Variants in MAPK10 observed in about 807,000 individuals in gnomAD.
MAPK10 encodes the protein mitogen-activated protein kinase 10.
In MAPK10, 25 loss-of-function variants were observed where a neutral mutation model predicts 59.3. That is an observed-to-expected ratio of 0.42 (90% CI 0.31 to 0.59). MAPK10 has a LOEUF of 0.59. Among genes scored for constraint, MAPK10 ranks in the 20% least tolerant of loss-of-function variants. The pLI is 0.15. For missense variants in MAPK10, 351 were observed against 568.9 expected (o/e 0.62, Z 3.90); for synonymous variants, 190 against 200.5 (o/e 0.95, Z 0.44).
intron 1 of MAPK10, among the ~76,000 whole-genome samples, chr4:86,551,655 G>A (rs1759799870): frequency 6.6e-6 from 1 of 151,268 alleles, no homozygotes; most frequent in Non-Finnish European, 1.5e-5. Context: ...ACCCAGGCTG[G>A]AGTGCAGTGC....
At chr4:86,166,165 T>A (rs1185161157) in intron 3 of MAPK10, among the ~76,000 whole-genome samples, 1 of 152,154 alleles carries the variant, frequency 6.6e-6, no homozygotes. Flanking sequence ...AACAAATTAT[T>A]TCGTGTAAGA....
chr4:86,397,841 C>T (rs12500543), intron 1 of MAPK10, among the ~76,000 whole-genome samples: 72,284 of 139,010 alleles, frequency 0.52, 18,130 homozygotes, highest in Middle Eastern at 0.59. Context: ...CAGATCATTA[C>T]GTAAGCTCTG....
At chr4:86,245,228 T>G (rs1258869401) in intron 2 of MAPK10, among the ~76,000 whole-genome samples, 2 of 152,200 alleles carry the variant, frequency 1.3e-5, no homozygotes, top group African/African-American at 4.8e-5. Flanking sequence ...ATTCGAGTGC[T>G]TTGAAAACAT....
intron 2 of MAPK10, among the ~76,000 whole-genome samples, chr4:86,249,577 G>A (rs1192235747): frequency 1.3e-5 from 2 of 152,116 alleles, no homozygotes; most frequent in Non-Finnish European, 2.9e-5. Context: ...AATGTAAGAA[G>A]GCAGGAGAAA....
At chr4:86,499,051 A>G (rs1755103362) in intron 1 of MAPK10, among the ~76,000 whole-genome samples, 2 of 152,224 alleles carry the variant, frequency 1.3e-5, no homozygotes, top group African/African-American at 4.8e-5. Flanking sequence ...ATAGAGAATC[A>G]TAAGTTAATA....
chr4:86,541,358 T>G (rs1433491795), intron 1 of MAPK10, among the ~76,000 whole-genome samples: 1 of 152,066 alleles, frequency 6.6e-6, no homozygotes, highest in African/African-American at 2.4e-5. Context: ...GCAAAATCCA[T>G]GTAAACAAGA....
intron 2 of MAPK10, among the ~76,000 whole-genome samples, chr4:86,313,070 C>T (rs1357666688): frequency 2.0e-5 from 3 of 151,854 alleles, no homozygotes; most frequent in Admixed American, 6.6e-5. Context: ...TATATAAATA[C>T]ATGAATACAT....
chr4:86,263,377 C>A (rs1454772278), intron 2 of MAPK10, among the ~76,000 whole-genome samples: 2 of 152,152 alleles, frequency 1.3e-5, no homozygotes, highest in Non-Finnish European at 1.5e-5. Context: ...GTTCAACCAC[C>A]AGCCATGACC....
At chr4:86,109,015 A>G (rs779804765) in intron 4 of MAPK10, among the ~76,000 whole-genome samples, 1 of 152,094 alleles carries the variant, frequency 6.6e-6, no homozygotes, top group Non-Finnish European at 1.5e-5. Context: ...CAGTGTGTCA[A>G]TATGCTCTGA....
chr4:86,097,492 A>G (rs950659237), intron 9 of MAPK10, among the ~76,000 whole-genome samples: 25 of 150,716 alleles, frequency 1.7e-4, no homozygotes, highest in Admixed American at 1.3e-4. Context: ...TTTCTTATCA[A>G]TCAAATAGAA....
chr4:86,417,675 C>G (rs1746022104), intron 1 of MAPK10, among the ~76,000 whole-genome samples: 1 of 152,096 alleles, frequency 6.6e-6, no homozygotes, highest in Non-Finnish European at 1.5e-5. Flanking sequence ...AGAACTTACT[C>G]ATATTTAAAC....
intron 1 of MAPK10, among the ~76,000 whole-genome samples, chr4:86,525,219 C>T (rs1298962646): frequency 6.6e-6 from 1 of 152,102 alleles, no homozygotes; most frequent in African/African-American, 2.4e-5. Context: ...GTGGCTGGAG[C>T]CCTGGAGGCA....
chr4:86,445,943 G>A (rs1273298960), intron 1 of MAPK10, among the ~76,000 whole-genome samples: 1 of 152,032 alleles, frequency 6.6e-6, no homozygotes, highest in Non-Finnish European at 1.5e-5. Context: ...ATTAGAGAAG[G>A]AATAAAGGAA....
intron 3 of MAPK10, among the ~76,000 whole-genome samples, chr4:86,188,533 C>T (rs1031354037): frequency 2.6e-5 from 4 of 152,148 alleles, no homozygotes; most frequent in Non-Finnish European, 5.9e-5. Flanking sequence ...TTGTTGTCTG[C>T]ATAAATGTCT....
At chr4:86,091,536 A>ATTTTTTTTTTTTTTT (rs71657508) in intron 9 of MAPK10, 2 of 67,418 alleles carry the variant, frequency 3.0e-5, no homozygotes, top group Non-Finnish European at 5.1e-5. Flanking sequence ...AAATCCCTTG[A>ATTTTTTTTTTTTTTT]TTTTTTTTTT....
At chr4:86,573,085 T>C (rs1761591249) in intron 1 of MAPK10, among the ~76,000 whole-genome samples, 1 of 152,210 alleles carries the variant, frequency 6.6e-6, no homozygotes, top group Non-Finnish European at 1.5e-5. Flanking sequence ...TGGCTTGTTT[T>C]ATTTATTTTT....
chr4:86,078,423 A>G (rs1311837524), intron 9 of MAPK10, among the ~76,000 whole-genome samples: 2 of 152,156 alleles, frequency 1.3e-5, no homozygotes, highest in Non-Finnish European at 2.9e-5. Context: ...GCAGTCTCCT[A>G]GTAGAGGGAG....
chr4:86,320,754 T>G (rs923233722), intron 2 of MAPK10, among the ~76,000 whole-genome samples: 8 of 152,218 alleles, frequency 5.3e-5, no homozygotes, highest in Admixed American at 1.3e-4. Context: ...TGAATGGTAA[T>G]GCCTAGGTGT....
At chr4:86,180,152 GATTATAA>G (rs1352100216) in intron 3 of MAPK10, among the ~76,000 whole-genome samples, 1 of 151,458 alleles carries the variant, frequency 6.6e-6, no homozygotes, top group African/African-American at 2.4e-5. Context: ...ACAAAATCTG[GATTATAA>G]AATAAACAAA....
Sources: gnomAD v4.1 joint callset for allele counts (sites outside exome capture counted in the v4.1 genomes callset) on GRCh38, gnomAD v4.1.1 for gene constraint, MANE v1.5 for transcripts, NCBI Gene and HGNC (gene_info 2026-07-23, HGNC 2026-07-21) for gene names.